Variants in GRIK1 observed in about 807,000 individuals in gnomAD.
GRIK1 encodes the protein glutamate ionotropic receptor kainate type subunit 1.
Under a neutral mutation model 105.7 loss-of-function variants are expected in GRIK1, and 69 were observed. The ratio of observed to expected loss-of-function variants is 0.65; its 90% CI spans 0.54 to 0.80. The LOEUF is 0.80. GRIK1 is among the 30% of genes least tolerant of loss of function. The pLI, the probability that GRIK1 is intolerant of heterozygous loss-of-function variation, is 0.00. For missense variants in GRIK1, 1,109 were observed against 1,167.3 expected, an observed-to-expected ratio of 0.95 and a Z score of 0.73; for synonymous variants, 438 against 431.3, an observed-to-expected ratio of 1.02 and a Z score of -0.19.
intron 7 of GRIK1, among the ~76,000 whole-genome samples, chr21:29,638,018 T>G (rs544357552): frequency 6.6e-6 from 1 of 152,146 alleles, no homozygotes; most frequent in Non-Finnish European, 1.5e-5. Flanking sequence ...ATAATAATGA[T>G]GACTCCAATA....
At chr21:29,816,006 A>C (rs1177490535) in intron 1 of GRIK1, among the ~76,000 whole-genome samples, 1 of 152,138 alleles carries the variant, frequency 6.6e-6, no homozygotes, top group Non-Finnish European at 1.5e-5. Flanking sequence ...CAGAGTGAAG[A>C]GACAATCTAT....
chr21:29,620,793 C>CTA (rs1421896438), intron 7 of GRIK1, among the ~76,000 whole-genome samples: 17 of 121,522 alleles, frequency 1.4e-4, no homozygotes, highest in African/African-American at 1.4e-4. Context: ...ATATATATAT[C>CTA]TATATATATA....
chr21:29,602,812 T>C (rs1241114896), intron 7 of GRIK1, among the ~76,000 whole-genome samples: 1 of 152,172 alleles, frequency 6.6e-6, no homozygotes, highest in Non-Finnish European at 1.5e-5. Context: ...CAGTAGACTT[T>C]TGGGGAATCA....
At chr21:29,718,989 T>A (rs550075468) in intron 1 of GRIK1, among the ~76,000 whole-genome samples, 1 of 145,984 alleles carries the variant, frequency 6.9e-6, no homozygotes, top group South Asian at 2.2e-4. Flanking sequence ...TCTGTTCTGG[T>A]CAAAATAGAT....
At chr21:29,620,782 GATATATATATCTATATATATATAGATAT>G (rs1568897247) in intron 7 of GRIK1, among the ~76,000 whole-genome samples, 3 of 122,854 alleles carry the variant, frequency 2.4e-5, no homozygotes, top group Non-Finnish European at 4.6e-5. Flanking sequence ...TATATATATA[GATATATATATCTATATATATATAGATAT>G]ATATATATAG....
At chr21:29,782,117 C>T (rs551736760) in intron 1 of GRIK1, among the ~76,000 whole-genome samples, 14 of 146,874 alleles carry the variant, frequency 9.5e-5, no homozygotes, top group Admixed American at 1.4e-4. Context: ...GACGGAGTCT[C>T]GCTGTGTCGC....
chr21:29,888,830 T>A (rs1295307453), intron 1 of GRIK1, among the ~76,000 whole-genome samples: 2 of 152,196 alleles, frequency 1.3e-5, no homozygotes, highest in Non-Finnish European at 2.9e-5. Context: ...GCGTTTTAGA[T>A]TAGAGGAGTT....
chr21:29,925,760 G>C lies in GRIK1; in HGVS notation c.118+13623C>G, dbSNP rs1011416641. ...CTTTTTGCATCTGATATAGGAGTGA[G>C]ACTATGAATCTCAAAGTCCCAAATG... On this transcript the variant is annotated intron_variant, in intron 1 of 17. Transcript: ENST00000327783. Among the ~76,000 whole-genome samples the C allele has an allele frequency of 3.3e-5, 5 of 152,264 alleles. No individual in the cohort carries two copies. In the South Asian group the frequency reaches 6.2e-4, roughly 19 times the overall value.
chr21:29,537,741 T>A (rs756327811), intron 17 of GRIK1, 57 bp downstream of exon 17: 2 of 861,698 alleles, frequency 2.3e-6, no homozygotes. Flanking sequence ...ATCCAAACAT[T>A]GATAGGATTA....
At chr21:29,541,127 G>T (rs1321083562) in intron 16 of GRIK1, among the ~76,000 whole-genome samples, 1 of 151,948 alleles carries the variant, frequency 6.6e-6, no homozygotes, top group African/African-American at 2.4e-5. Context: ...GCCACCACAC[G>T]CGGCTAATTT....
chr21:29,683,865 C>T (rs905223625), intron 3 of GRIK1, among the ~76,000 whole-genome samples: 2 of 152,192 alleles, frequency 1.3e-5, no homozygotes, highest in Non-Finnish European at 2.9e-5. Flanking sequence ...ACAGTGCTAC[C>T]AGGAAATAGT....
intron 1 of GRIK1, among the ~76,000 whole-genome samples, chr21:29,913,682 T>C (rs1008246561): frequency 4.7e-5 from 7 of 150,488 alleles, no homozygotes; most frequent in Admixed American, 4.6e-4. Context: ...AATATATATA[T>C]ATATATATAT....
At chr21:29,764,926 T>C (rs2065619352) in intron 1 of GRIK1, among the ~76,000 whole-genome samples, 1 of 152,218 alleles carries the variant, frequency 6.6e-6, no homozygotes. Context: ...GCTTTCAGTC[T>C]TCAATTCCCA....
At chr21:29,899,445 G>A (rs960414363) in intron 1 of GRIK1, among the ~76,000 whole-genome samples, 7 of 151,908 alleles carry the variant, frequency 4.6e-5, no homozygotes, top group Non-Finnish European at 1.0e-4. Context: ...TTTTTCATGC[G>A]TCTTTTCATT....
At chr21:29,819,722 G>A (rs1340183353) in intron 1 of GRIK1, among the ~76,000 whole-genome samples, 3 of 152,074 alleles carry the variant, frequency 2.0e-5, no homozygotes, top group Middle Eastern at 3.4e-3. Context: ...ACAGAGGTTC[G>A]AAAGGAGCAG....
At position 29,867,864 on chromosome 21, in the gene GRIK1, GAGAAAGAGAGAAAGAGAGAGAA is replaced by G. The variant is rs1343041272; in HGVS notation, c.118+71497_118+71518del. ...AGAAGGAAGGAAAGAGAGAAAGAGAGAGAAAGAGAGAAAGAGAGAGAAAGAGAGAGAGAGAGAGAAAGAAAGA... is the reference window on the plus strand; with the variant it reads ...AGAAGGAAGGAAAGAGAGAAAGAGAGAGAGAGAGAGAGAGAGAAAGAAAGA... On this transcript the variant is annotated intron_variant, in intron 1 of 17. Coordinates refer to ENST00000327783, the MANE Select transcript of GRIK1 (RefSeq NM_001330994.2). Among the ~76,000 whole-genome samples the G allele has an allele frequency of 7.5e-4, 58 of 77,654 alleles. No homozygotes were observed. In the East Asian group the frequency reaches 0.014, roughly 19 times the overall value. The allele number at this position is 77,654 out of a possible 152,430, so 50.9% of individuals were successfully genotyped here. A position where few individuals can be genotyped will look rare whatever the true frequency, so the allele number is the denominator to read the frequency against.
At chr21:29,673,582 A>C (rs893047484) in intron 3 of GRIK1, among the ~76,000 whole-genome samples, 1 of 152,158 alleles carries the variant, frequency 6.6e-6, no homozygotes, top group Admixed American at 6.5e-5. Flanking sequence ...TAGGCTATAA[A>C]CTTCTGTAAG....
intron 1 of GRIK1, among the ~76,000 whole-genome samples, chr21:29,709,169 T>G (rs1014415931): frequency 2.6e-5 from 4 of 152,172 alleles, no homozygotes; most frequent in African/African-American, 9.6e-5. Flanking sequence ...TTCTGGACTC[T>G]TCTGTTCCAT....
At chr21:29,739,836 C>T (rs1366418162) in intron 1 of GRIK1, among the ~76,000 whole-genome samples, 1 of 152,166 alleles carries the variant, frequency 6.6e-6, no homozygotes, top group Admixed American at 6.5e-5. Context: ...AAAATACACA[C>T]TAAGTTGTTT....
Sources: allele counts gnomAD v4.1 joint callset (sites outside exome capture counted in the v4.1 genomes callset), GRCh38; gene constraint gnomAD v4.1.1; transcripts MANE v1.5; gene names NCBI Gene and HGNC (gene_info 2026-07-23, HGNC 2026-07-21).